The following CAMTA1 variants were observed in gnomAD, a reference collection of about 807,000 sequenced individuals.
CAMTA1 encodes calmodulin-binding transcription activator 1.
In CAMTA1, 27 loss-of-function variants were observed where a neutral mutation model predicts 170.9. That is an observed-to-expected ratio of 0.16 (90% CI 0.12 to 0.22). CAMTA1 has a LOEUF of 0.22. CAMTA1 is among the 10% of genes least tolerant of loss of function. The pLI is 1.00. For missense variants in CAMTA1, 1,619 were observed against 2,217.2 expected (o/e 0.73, Z 5.42); for synonymous variants, 833 against 891.5 (o/e 0.93, Z 1.17).
intron 21 of CAMTA1, among the ~76,000 whole-genome samples, chr1:7,754,009 G>T (rs116128985): frequency 6.6e-6 from 1 of 152,172 alleles, no homozygotes; most frequent in Admixed American, 6.5e-5. Context: ...ACTTAGCAGG[G>T]ACTTAGGACC....
intron 5 of CAMTA1, among the ~76,000 whole-genome samples, chr1:7,335,670 A>AG: frequency 6.6e-6 from 1 of 152,268 alleles, no homozygotes; most frequent in Admixed American, 6.5e-5. Context: ...GGATGGGCAA[A>AG]TAGCATTCAC....
chr1:7,189,225 C>T (rs1245430463), intron 4 of CAMTA1, among the ~76,000 whole-genome samples: 4 of 152,124 alleles, frequency 2.6e-5, no homozygotes, highest in Non-Finnish European at 5.9e-5. Context: ...AAATGTCCAT[C>T]AGAAAAACCA....
chr1:7,499,918 CATGA>C (rs2093953118), intron 6 of CAMTA1, among the ~76,000 whole-genome samples: 1 of 138,078 alleles, frequency 7.2e-6, no homozygotes, highest in Non-Finnish European at 1.5e-5. Context: ...TGTGTGTGTG[CATGA>C]GTGAGTGTGC....
chr1:7,029,485 T>C (rs1003984335), intron 3 of CAMTA1, among the ~76,000 whole-genome samples: 1 of 84,706 alleles, frequency 1.2e-5, no homozygotes, highest in African/African-American at 5.7e-5. Context: ...TGAGACTCTG[T>C]CTCAAAAAAA....
rs79658252 is a variant in CAMTA1, at chr1:7,037,473, C to T, written c.235-53831C>T. On this transcript the variant is annotated intron_variant, in intron 3 of 22. Coordinates refer to ENST00000303635, the MANE Select transcript of CAMTA1 (RefSeq NM_015215.4). ...AGCCCCAATCTGTGCTGCTTTCTCTCTCTGCTGGGTTCTTCGCATTGGGCT... is the reference window on the plus strand; with the variant it reads ...AGCCCCAATCTGTGCTGCTTTCTCTTTCTGCTGGGTTCTTCGCATTGGGCT... Among the ~76,000 whole-genome samples, 103 of 152,348 alleles carry T rather than the reference C, an allele frequency of 6.8e-4. No homozygotes were observed. In the East Asian group the frequency reaches 0.014, roughly 21 times the overall value.
intron 6 of CAMTA1, among the ~76,000 whole-genome samples, chr1:7,479,529 G>A (rs913595350): frequency 6.6e-6 from 1 of 152,192 alleles, no homozygotes; most frequent in Non-Finnish European, 1.5e-5. Context: ...TAACAGAGCT[G>A]TCCTCTCACT....
intron 5 of CAMTA1, among the ~76,000 whole-genome samples, chr1:7,318,103 TG>T (rs2149666424): frequency 6.6e-6 from 1 of 152,314 alleles, no homozygotes; most frequent in South Asian, 2.1e-4. Flanking sequence ...CAGGGCCCAG[TG>T]TGCCAGTGCA....
At chr1:7,694,140 T>G (rs954681443) in intron 11 of CAMTA1, 2 of 152,266 alleles carry the variant, frequency 1.3e-5, no homozygotes, top group African/African-American at 2.4e-5. Context: ...TGCACCCACT[T>G]GCTTGCACCT....
At chr1:6,962,973 C>T (rs914384782) in intron 3 of CAMTA1, among the ~76,000 whole-genome samples, 2 of 151,000 alleles carry the variant, frequency 1.3e-5, no homozygotes, top group Non-Finnish European at 3.0e-5. Context: ...TGGCCCCTTT[C>T]ACCCGTCTGG....
intron 11 of CAMTA1, among the ~76,000 whole-genome samples, chr1:7,690,772 C>A (rs1173961558): frequency 6.6e-6 from 1 of 152,206 alleles, no homozygotes; most frequent in African/African-American, 2.4e-5. Context: ...GATGCTCAGA[C>A]AACAGTGAGT....
intron 10 of CAMTA1, among the ~76,000 whole-genome samples, chr1:7,676,641 C>A (rs1217507634): frequency 6.6e-6 from 1 of 152,226 alleles, no homozygotes; most frequent in East Asian, 1.9e-4. Flanking sequence ...GAAGTCTGTA[C>A]TGGGGAGGCC....
intron 11 of CAMTA1, among the ~76,000 whole-genome samples, chr1:7,703,183 A>T (rs1236502495): frequency 6.6e-6 from 1 of 152,094 alleles, no homozygotes; most frequent in African/African-American, 2.4e-5. Flanking sequence ...AAAGCCACTG[A>T]GGGTGGCCAG....
At position 7,547,410 on chromosome 1, in the gene CAMTA1, A is replaced by C. The variant is rs932699550; in HGVS notation, c.510+79509A>C. 1.1e-4 allele frequency among the ~76,000 whole-genome samples: 16 copies of C among 151,566 alleles called. No homozygotes were observed. Among genetic ancestry groups the C allele is most frequent in the Non-Finnish European group, 2.2e-4 (15 of 67,924 alleles). On this transcript the variant is annotated intron_variant, in intron 6 of 22. Transcript: ENST00000303635. This position sits in a 1 kb window ranked among gnomAD's most constrained non-coding sequence, Gnocchi z 5.7. ...CACACAGAGTTGGCCTTCCACATTC[A>C]TGAGTTTCGCATCCGTGGATTCAAC... is the stretch of plus-strand genomic sequence containing the variant.
At chr1:7,556,950 A>T (rs887266519) in intron 6 of CAMTA1, among the ~76,000 whole-genome samples, 3 of 152,168 alleles carry the variant, frequency 2.0e-5, no homozygotes, top group Non-Finnish European at 2.9e-5. Flanking sequence ...TGACCCTTTG[A>T]GGCAGGTGTT....
intron 3 of CAMTA1, among the ~76,000 whole-genome samples, chr1:6,904,733 A>ATTTTTTTTT (rs70984036): frequency 4.2e-5 from 3 of 70,994 alleles, no homozygotes; most frequent in Non-Finnish European, 7.2e-5. Flanking sequence ...TGCCCAGCTA[A>ATTTTTTTTT]TTTTTTTTTT....
intron 11 of CAMTA1, among the ~76,000 whole-genome samples, chr1:7,730,145 G>A (rs190927515): frequency 6.6e-6 from 1 of 152,312 alleles, no homozygotes; most frequent in East Asian, 1.9e-4. Flanking sequence ...TCTGAGGTAG[G>A]TGTAACTACT....
At chr1:7,085,564 A>C (rs1413251469) in intron 3 of CAMTA1, among the ~76,000 whole-genome samples, 1 of 152,234 alleles carries the variant, frequency 6.6e-6, no homozygotes, top group Non-Finnish European at 1.5e-5. Flanking sequence ...AACGTTCCAG[A>C]AGCTGCAGTG....
intron 4 of CAMTA1, among the ~76,000 whole-genome samples, chr1:7,127,456 C>T (rs959365887): frequency 3.3e-5 from 5 of 151,926 alleles, no homozygotes; most frequent in African/African-American, 7.3e-5. Context: ...CTTCACTCAT[C>T]GCTAAAAATA....
intron 4 of CAMTA1, among the ~76,000 whole-genome samples, chr1:7,134,340 G>A (rs1174276236): frequency 6.6e-6 from 1 of 152,014 alleles, no homozygotes; most frequent in South Asian, 2.1e-4. Context: ...TGTCACCCAG[G>A]CTGGAGTGCA....
Sources: gnomAD v4.1 joint callset for allele counts (sites outside exome capture counted in the v4.1 genomes callset) on GRCh38, gnomAD v4.1.1 for gene constraint, Gnocchi (gnomAD v3.1) non-coding constraint, MANE v1.5 for transcripts, NCBI Gene and HGNC (gene_info 2026-07-23, HGNC 2026-07-21) for gene names.